The following VPS45 variants were observed in gnomAD, a reference collection of about 807,000 sequenced individuals.
VPS45 encodes the protein vacuolar protein sorting-associated protein 45.
Under a neutral mutation model 75.9 loss-of-function variants are expected in VPS45, and 35 were observed. The ratio of observed to expected loss-of-function variants is 0.46; its 90% CI spans 0.35 to 0.61. The LOEUF is 0.61. VPS45 is among the 20% of genes least tolerant of loss of function. The pLI, the probability that VPS45 is intolerant of heterozygous loss-of-function variation, is 0.00. For synonymous variants in VPS45, 220 were observed against 238.2 expected, an observed-to-expected ratio of 0.92 and a Z score of 0.70; for missense variants, 559 against 685.9, an observed-to-expected ratio of 0.81 and a Z score of 2.07.
At chr1:150,075,599 T>C (rs1173366180) in intron 3 of VPS45, among the ~76,000 whole-genome samples, 1 of 152,214 alleles carries the variant, frequency 6.6e-6, no homozygotes, top group Admixed American at 6.5e-5. Context: ...CATTAACATT[T>C]GTTAGTTATT....
chr1:150,116,451 CTAT>C (rs1180889061), intron 14 of VPS45, among the ~76,000 whole-genome samples: 2 of 152,036 alleles, frequency 1.3e-5, no homozygotes, highest in Admixed American at 1.3e-4. Flanking sequence ...AAAGTTTGTA[CTAT>C]TATTATCTTT....
intron 3 of VPS45, among the ~76,000 whole-genome samples, chr1:150,073,098 A>G (rs587735109): frequency 6.6e-6 from 1 of 152,264 alleles, no homozygotes; most frequent in East Asian, 1.9e-4. Flanking sequence ...TGTGTTTACT[A>G]TACAATTTAC....
chr1:150,140,389 G>C (rs977870867), intron 14 of VPS45, among the ~76,000 whole-genome samples: 2 of 109,154 alleles, frequency 1.8e-5, no homozygotes, highest in Non-Finnish European at 3.7e-5. Context: ...CACTTCTGGT[G>C]TGTGTGTGTG....
At chr1:150,136,790 A>AT (rs1553813840) in intron 14 of VPS45, among the ~76,000 whole-genome samples, 3 of 149,122 alleles carry the variant, frequency 2.0e-5, no homozygotes, top group East Asian at 2.0e-4. Context: ...AAAAAAAAAA[A>AT]GGTGTACCAC....
At chr1:150,144,123 T>G (rs1303006050) in intron 14 of VPS45, among the ~76,000 whole-genome samples, 2 of 151,338 alleles carry the variant, frequency 1.3e-5, no homozygotes, top group African/African-American at 4.9e-5. Flanking sequence ...TTTTAATTTT[T>G]TTTTTATTAG....
chr1:150,100,025 C>CAAACAGGA (rs1656894178), intron 13 of VPS45, among the ~76,000 whole-genome samples: 1 of 152,056 alleles, frequency 6.6e-6, no homozygotes, highest in South Asian at 2.1e-4. Context: ...AAAGTGCATC[C>CAAACAGGA]AAACAGGAAA....
chr1:150,080,922 G>T (rs1559906937), intron 7 of VPS45, among the ~76,000 whole-genome samples: 1 of 152,190 alleles, frequency 6.6e-6, no homozygotes, highest in South Asian at 2.1e-4. Context: ...ACTCAGATCT[G>T]CAAGAACACA....
Position 150,067,813 on chromosome 1 carries a change from A to T in VPS45, c.-45A>T. 1 of 1,598,536 alleles carries T rather than the reference A, an allele frequency of 6.3e-7. No individual in the cohort carries two copies. The highest frequency in any genetic ancestry group is 2.2e-5 in the East Asian group (1 of 44,738). On this transcript the variant is annotated 5_prime_UTR_variant, in exon 1 of 15. Transcript: ENST00000644510. ...ACAGACTGGGGGTTAATTTAGCCAG[A>T]AAAGGGGGCGGGAAGGGCTGTAGGG... is the stretch of plus-strand genomic sequence containing the variant.
At chr1:150,074,863 A>G (rs1285813695) in intron 3 of VPS45, among the ~76,000 whole-genome samples, 4 of 152,028 alleles carry the variant, frequency 2.6e-5, no homozygotes, top group Non-Finnish European at 5.9e-5. Flanking sequence ...TAAGTATTTC[A>G]GTAGGCATCT....
At chr1:150,076,473 C>A (rs1306219535) in intron 4 of VPS45, 161 bp downstream of exon 4, 1 of 509,126 alleles carries the variant, frequency 2.0e-6, no homozygotes, top group South Asian at 3.7e-5. Flanking sequence ...TCAGAGGCAG[C>A]AAATAAACTA....
At chr1:150,072,113 T>A (rs1306842378) in intron 2 of VPS45, 53 bp from the exon 3 acceptor site, 2 of 1,512,564 alleles carry the variant, frequency 1.3e-6, no homozygotes, top group African/African-American at 2.8e-5. Context: ...CTTATTACTT[T>A]TTTCCTTAAG....
chr1:150,135,253 A>T (rs1053825374), intron 14 of VPS45, among the ~76,000 whole-genome samples: 1 of 151,964 alleles, frequency 6.6e-6, no homozygotes, highest in Non-Finnish European at 1.5e-5. Flanking sequence ...ATGCATTTTT[A>T]TTTTTTATTT....
intron 13 of VPS45, among the ~76,000 whole-genome samples, chr1:150,108,617 T>C (rs1284808309): frequency 2.6e-5 from 4 of 151,962 alleles, no homozygotes; most frequent in African/African-American, 7.3e-5. Context: ...AAATCAAATA[T>C]GAAATTTTCT....
chr1:150,069,347 T>C (rs587713046), intron 2 of VPS45, among the ~76,000 whole-genome samples: 180 of 152,182 alleles, frequency 1.2e-3, no homozygotes, highest in Admixed American at 5.2e-3. Context: ...TTTTTTTTCT[T>C]GCACTGATTA....
intron 4 of VPS45, 53 bp from the exon 5 acceptor site, chr1:150,076,863 G>T: frequency 4.4e-6 from 7 of 1,595,364 alleles, no homozygotes; most frequent in Non-Finnish European, 6.0e-6. Flanking sequence ...AAATATTACT[G>T]CTTGATACAA....
chr1:150,124,924 T>C (rs1559938652), intron 14 of VPS45, among the ~76,000 whole-genome samples: 1 of 151,862 alleles, frequency 6.6e-6, no homozygotes, highest in African/African-American at 2.4e-5. Flanking sequence ...TAACATAAGA[T>C]CTATAGAGTT....
intron 14 of VPS45, among the ~76,000 whole-genome samples, chr1:150,130,038 CTATT>C (rs1202616191): frequency 6.6e-6 from 1 of 151,670 alleles, no homozygotes; most frequent in Admixed American, 6.6e-5. Context: ...ATCTATCTAT[CTATT>C]TATTTGAGAT....
At chr1:150,085,355 T>G (rs1655949150) in intron 10 of VPS45, among the ~76,000 whole-genome samples, 1 of 152,148 alleles carries the variant, frequency 6.6e-6, no homozygotes, top group African/African-American at 2.4e-5. Context: ...TTAGAAAAAG[T>G]TCTTGTAATA....
At chr1:150,137,120 G>A (rs968519361) in intron 14 of VPS45, among the ~76,000 whole-genome samples, 1 of 151,982 alleles carries the variant, frequency 6.6e-6, no homozygotes, top group Non-Finnish European at 1.5e-5. Flanking sequence ...GGCTGGTCTC[G>A]AGCTCCTGAA....
Sources: allele counts gnomAD v4.1 joint callset (sites outside exome capture counted in the v4.1 genomes callset), GRCh38; gene constraint gnomAD v4.1.1; transcripts MANE v1.5; gene names NCBI Gene and HGNC (gene_info 2026-07-23, HGNC 2026-07-21).